HS2ST1: variants seen among roughly 807,000 people sequenced by gnomAD.
HS2ST1 encodes heparan sulfate 2-O-sulfotransferase 1, also known as 2-O-sulfotransferase.
HS2ST1 carries 18 observed loss-of-function variants against 42.9 expected under a neutral mutation model. The ratio of observed to expected loss-of-function variants is 0.42; its 90% confidence interval spans 0.29 to 0.62. HS2ST1 has a LOEUF of 0.62. HS2ST1 is among the 20% of genes least tolerant of loss of function. The probability of loss-of-function intolerance (pLI) is 0.21; values close to 1 mark genes in which losing one functional copy is unlikely to be tolerated. For synonymous variants in HS2ST1, 146 were observed against 152.9 expected, an observed-to-expected ratio of 0.95 and a Z score of 0.33; for missense variants, 334 against 433.8, an observed-to-expected ratio of 0.77 and a Z score of 2.04.
intron 4 of HS2ST1, among the ~76,000 whole-genome samples, chr1:87,096,617 G>A (rs1475377154): frequency 1.3e-5 from 2 of 152,070 alleles, no homozygotes; most frequent in Non-Finnish European, 2.9e-5. Context: ...CTTTGTTGTG[G>A]GGGGCTTCTT....
chr1:86,914,944 C>G lies in HS2ST1; in HGVS notation c.-93C>G. The G allele has an allele frequency of 6.5e-7, 1 of 1,529,234 alleles. No individual in the cohort carries two copies. Among genetic ancestry groups the G allele is most frequent in the Non-Finnish European group, 8.9e-7 (1 of 1,117,718 alleles). The allele number at this position is 1,529,234 out of a possible 1,614,324, so 94.7% of individuals were successfully genotyped here. On this transcript the variant is annotated 5_prime_UTR_variant, in exon 1 of 7. Transcript: ENST00000370550. ...CTGTCGCTCTCTCTTTGCCTCGCTC[C>G]CGGCTCGGCGGGCTCCTCCCGGCGT...
At position 86,961,183 on chromosome 1, in the gene HS2ST1, C is replaced by G. The variant is rs531728987; in HGVS notation, c.124+46023C>G. ...ACTTGGAGATTGAGGTTACAGTGAGCTATGACCACACCACTGTACCCCAGC... is the reference window on the plus strand; with the variant it reads ...ACTTGGAGATTGAGGTTACAGTGAGGTATGACCACACCACTGTACCCCAGC... On this transcript the variant is annotated intron_variant, in intron 1 of 6. Transcript: ENST00000370550. Among the ~76,000 whole-genome samples the G allele has an allele frequency of 2.0e-5, 3 of 151,348 alleles. No homozygotes were observed. In the East Asian group the frequency reaches 5.8e-4, roughly 29 times the overall value.
intron 1 of HS2ST1, among the ~76,000 whole-genome samples, chr1:86,932,772 T>C (rs907073555): frequency 2.6e-5 from 4 of 152,174 alleles, no homozygotes; most frequent in African/African-American, 9.6e-5. Flanking sequence ...GGTTAGGTTA[T>C]TGTGGTAAAC....
rs142733302 is a variant in HS2ST1 at position 86,967,790 on chromosome 1, C to T, written c.124+52630C>T. On this transcript the variant is annotated intron_variant, in intron 1 of 6. Coordinates refer to ENST00000370550, the MANE Select transcript of HS2ST1 (RefSeq NM_012262.4). ...TGCCTGCGTCTTTTTCATATAATGA[C>T]TTCTTTTCCTTTAGGTAGATATCCA... Among the ~76,000 whole-genome samples, 743 of 152,286 alleles carry T rather than the reference C, an allele frequency of 4.9e-3. 8 individuals carry two copies. The highest frequency in any genetic ancestry group is 0.017 in the African/African-American group (701 of 41,566).
intron 1 of HS2ST1, among the ~76,000 whole-genome samples, chr1:87,040,274 C>A (rs527336841): frequency 2.0e-5 from 3 of 152,044 alleles, no homozygotes; most frequent in Admixed American, 6.6e-5. Flanking sequence ...TCTGTCTCCC[C>A]CTCCCCGCTC....
chr1:87,097,000 A>G (rs377289722), intron 4 of HS2ST1, among the ~76,000 whole-genome samples: 6 of 152,372 alleles, frequency 3.9e-5, no homozygotes, highest in Admixed American at 6.5e-5. Flanking sequence ...GACCATCTAG[A>G]AAAATTCAGA....
At chr1:87,094,602 T>A (rs11161934) in intron 4 of HS2ST1, among the ~76,000 whole-genome samples, 5,553 of 152,154 alleles carry the variant, frequency 0.036, 210 homozygotes, top group African/African-American at 0.095. Flanking sequence ...ACATCTTACA[T>A]CCTTTGAAAA....
At chr1:87,043,103 A>G (rs1005157855) in intron 1 of HS2ST1, among the ~76,000 whole-genome samples, 2 of 152,116 alleles carry the variant, frequency 1.3e-5, no homozygotes, top group African/African-American at 4.8e-5. Context: ...AAATCTTTCT[A>G]TGTAGAGAAC....
At chr1:86,928,055 TAGAAG>T (rs2102161280) in intron 1 of HS2ST1, among the ~76,000 whole-genome samples, 1 of 152,208 alleles carries the variant, frequency 6.6e-6, no homozygotes, top group South Asian at 2.1e-4. Flanking sequence ...TTGAAATCTT[TAGAAG>T]AAACTAACTG....
intron 1 of HS2ST1, among the ~76,000 whole-genome samples, chr1:86,933,070 T>G (rs1660575390): frequency 6.6e-6 from 1 of 152,164 alleles, no homozygotes; most frequent in Non-Finnish European, 1.5e-5. Context: ...AGTAACGCTT[T>G]TTTCACATAC....
Position 86,997,869 on chromosome 1 carries a change from T to G in HS2ST1, c.125-75065T>G, listed in dbSNP as rs191669531. On this transcript the variant is annotated intron_variant, in intron 1 of 6. Transcript: ENST00000370550. ...CACACTACTCAAAATAGTGTGCAAT[T>G]TAAAACTTTTGAATTCTTTATTTCT... 6.6e-5 allele frequency among the ~76,000 whole-genome samples: 10 copies of G among 152,292 alleles called. No individual in the cohort carries two copies. The Middle Eastern group carries it at 0.01, about 155-fold the overall frequency.
chr1:87,006,354 T>C (rs1649436448), intron 1 of HS2ST1, among the ~76,000 whole-genome samples: 1 of 152,110 alleles, frequency 6.6e-6, no homozygotes, highest in Non-Finnish European at 1.5e-5. Context: ...TAGTTTATTA[T>C]TACAGCACAA....
intron 1 of HS2ST1, among the ~76,000 whole-genome samples, chr1:86,946,814 G>C (rs1026404066): frequency 2.0e-5 from 3 of 152,124 alleles, no homozygotes; most frequent in Admixed American, 2.0e-4. Context: ...ACTAACAAAA[G>C]ACATTTGACT....
intron 1 of HS2ST1, chr1:87,046,347 T>G: frequency 1.3e-6 from 1 of 749,598 alleles, no homozygotes; most frequent in South Asian, 1.3e-5. Flanking sequence ...TTGCATCTTT[T>G]GGGCAAAGTA....
intron 1 of HS2ST1, among the ~76,000 whole-genome samples, chr1:86,951,653 T>TG (rs1307010651): frequency 6.6e-6 from 1 of 152,116 alleles, no homozygotes; most frequent in Non-Finnish European, 1.5e-5. Flanking sequence ...TGGCTGGAGG[T>TG]GGGGGTGACT....
intron 3 of HS2ST1, among the ~76,000 whole-genome samples, chr1:87,085,288 G>A (rs1373134059): frequency 6.6e-6 from 1 of 151,810 alleles, no homozygotes; most frequent in Non-Finnish European, 1.5e-5. Context: ...TGATATATTG[G>A]TCAACTTTAA....
At chr1:86,984,278 A>G (rs1648693316) in intron 1 of HS2ST1, among the ~76,000 whole-genome samples, 1 of 152,216 alleles carries the variant, frequency 6.6e-6, no homozygotes. Context: ...AATAAGCCCT[A>G]GAAATGGATG....
intron 2 of HS2ST1, among the ~76,000 whole-genome samples, chr1:87,080,458 A>G (rs1245114307): frequency 2.6e-5 from 4 of 152,108 alleles, no homozygotes; most frequent in East Asian, 1.9e-4. Flanking sequence ...AGAAGTTGAG[A>G]TTTTCAGTGT....
intron 1 of HS2ST1, among the ~76,000 whole-genome samples, chr1:87,016,675 G>T (rs748310859): frequency 6.6e-6 from 1 of 152,138 alleles, no homozygotes; most frequent in Non-Finnish European, 1.5e-5. Flanking sequence ...CTTCCAAGTT[G>T]CAGCAGCTAT....
Sources: gnomAD v4.1 joint callset for allele counts (sites outside exome capture counted in the v4.1 genomes callset) on GRCh38, gnomAD v4.1.1 for gene constraint, MANE v1.5 for transcripts, NCBI Gene and HGNC (gene_info 2026-07-23, HGNC 2026-07-21) for gene names.